The following ENTREP2 variants were observed in gnomAD, a reference collection of about 807,000 sequenced individuals.
ENTREP2 encodes the protein endosomal transmembrane epsin interactor 2.
the ENTREP2 span, among the ~76,000 whole-genome samples, chr15:29,600,830 A>G: frequency 6.6e-6 from 1 of 151,916 alleles, no homozygotes; most frequent in Non-Finnish European, 1.5e-5. Context: ...GTGGAACTGT[A>G]AAAATCACCA....
At chr15:29,480,338 C>CAAAAAAAAAAAA in the ENTREP2 span, among the ~76,000 whole-genome samples, 1 of 29,430 alleles carries the variant, frequency 3.4e-5, no homozygotes, top group Non-Finnish European at 6.8e-5. Context: ...TTCACTATAG[C>CAAAAAAAAAAAA]AAAAAAAAAA....
chr15:29,347,869 G>A, the ENTREP2 span, among the ~76,000 whole-genome samples: 1 of 152,306 alleles, frequency 6.6e-6, no homozygotes, highest in Non-Finnish European at 1.5e-5. Flanking sequence ...CGAGGCAGAG[G>A]TCAATTCAGA....
At chr15:29,297,926 T>C in the ENTREP2 span, among the ~76,000 whole-genome samples, 57 of 152,190 alleles carry the variant, frequency 3.7e-4, no homozygotes, top group Non-Finnish European at 7.8e-4. Flanking sequence ...GATGCACATT[T>C]AGTGTTGAAA....
At chr15:29,194,881 G>A in the ENTREP2 span, among the ~76,000 whole-genome samples, 1 of 152,170 alleles carries the variant, frequency 6.6e-6, no homozygotes, top group Non-Finnish European at 1.5e-5. Context: ...ACTGAGGAAC[G>A]GGAGGTAACG....
the ENTREP2 span, among the ~76,000 whole-genome samples, chr15:29,461,845 A>G: frequency 6.6e-6 from 1 of 152,078 alleles, no homozygotes; most frequent in East Asian, 1.9e-4. Context: ...AACCATCACC[A>G]CCACCCATCT....
the ENTREP2 span, among the ~76,000 whole-genome samples, chr15:29,279,264 C>A: frequency 6.6e-6 from 1 of 152,118 alleles, no homozygotes; most frequent in African/African-American, 2.4e-5. Context: ...AGTATAAGTG[C>A]TCCAGTTCTG....
At chr15:29,244,593 C>T in the ENTREP2 span, among the ~76,000 whole-genome samples, 3 of 152,198 alleles carry the variant, frequency 2.0e-5, no homozygotes, top group East Asian at 3.9e-4. Flanking sequence ...CTGGGAAGGA[C>T]GCCTGGATCA....
chr15:29,309,414 C>T, the ENTREP2 span, among the ~76,000 whole-genome samples: 906 of 152,214 alleles, frequency 6.0e-3, 10 homozygotes, highest in African/African-American at 0.021. Flanking sequence ...AGACTCTAGA[C>T]CAGGTCTCCC....
the ENTREP2 span, among the ~76,000 whole-genome samples, chr15:29,334,773 A>G: frequency 6.6e-6 from 1 of 152,158 alleles, no homozygotes. Context: ...GCTGAGTTGT[A>G]AGAAGCCTCT....
chr15:29,160,725 A>AT, the ENTREP2 span, among the ~76,000 whole-genome samples: 1 of 150,456 alleles, frequency 6.6e-6, no homozygotes, highest in African/African-American at 2.5e-5. Flanking sequence ...AAAAAAAAAA[A>AT]AAAAAAAAAT....
chr15:29,323,255 C>G, the ENTREP2 span, among the ~76,000 whole-genome samples: 1 of 152,144 alleles, frequency 6.6e-6, no homozygotes, highest in Non-Finnish European at 1.5e-5. Flanking sequence ...ATCCCCCAAC[C>G]CCAGGGAGTG....
chr15:29,628,167 T>G, the ENTREP2 span, among the ~76,000 whole-genome samples: 2 of 152,260 alleles, frequency 1.3e-5, no homozygotes, highest in Admixed American at 6.5e-5. Flanking sequence ...GGGAGGATAA[T>G]AAGTCATCCT....
At chr15:29,352,031 C>A in the ENTREP2 span, among the ~76,000 whole-genome samples, 22 of 152,264 alleles carry the variant, frequency 1.4e-4, no homozygotes, top group African/African-American at 5.3e-4. Context: ...AACTCCTGGA[C>A]TCAAGCGATC....
the ENTREP2 span, among the ~76,000 whole-genome samples, chr15:29,165,188 A>G: frequency 1.3e-5 from 2 of 152,138 alleles, no homozygotes; most frequent in Non-Finnish European, 2.9e-5. Context: ...CCAAGAGGAA[A>G]GTTCATAGCC....
the ENTREP2 span, among the ~76,000 whole-genome samples, chr15:29,400,176 C>T: frequency 6.6e-6 from 1 of 152,074 alleles, no homozygotes; most frequent in South Asian, 2.1e-4. Flanking sequence ...AGTGACTTGC[C>T]CAACGTTACA....
At chr15:29,447,334 T>G in the ENTREP2 span, among the ~76,000 whole-genome samples, 1 of 152,180 alleles carries the variant, frequency 6.6e-6, no homozygotes, top group East Asian at 1.9e-4. Context: ...TGCTGATCAG[T>G]GGGCATGCCT....
the ENTREP2 span, among the ~76,000 whole-genome samples, chr15:29,158,460 C>T: frequency 6.9e-6 from 1 of 145,288 alleles, no homozygotes; most frequent in African/African-American, 2.6e-5. Context: ...GGCTGGAGTG[C>T]AGTGGCGTGA....
the ENTREP2 span, among the ~76,000 whole-genome samples, chr15:29,539,851 C>T: frequency 2.0e-5 from 3 of 152,254 alleles, no homozygotes; most frequent in South Asian, 6.2e-4. Flanking sequence ...TGACAGATGA[C>T]GGATGACACT....
At chr15:29,434,115 T>C in the ENTREP2 span, among the ~76,000 whole-genome samples, 1 of 152,238 alleles carries the variant, frequency 6.6e-6, no homozygotes, top group Non-Finnish European at 1.5e-5. Flanking sequence ...GTGGTTACCG[T>C]GGCTCTAGCT....
Sources: allele counts gnomAD v4.1 joint callset (sites outside exome capture counted in the v4.1 genomes callset), GRCh38; gene constraint gnomAD v4.1.1; transcripts MANE v1.5; gene names NCBI Gene and HGNC (gene_info 2026-07-23, HGNC 2026-07-21).